Variants in HHAT observed in about 807,000 individuals in gnomAD.
The protein encoded by HHAT is hedgehog acyltransferase.
A neutral mutation model predicts 70.8 loss-of-function variants in HHAT; 47 were observed. The observed-to-expected ratio is 0.66, with a 90% CI of 0.53 to 0.85. HHAT has a LOEUF of 0.85. Among genes scored for constraint, HHAT ranks in the 40% least tolerant of loss-of-function variants. The probability of loss-of-function intolerance (pLI) is 0.00; values close to 1 mark genes in which losing one functional copy is unlikely to be tolerated. For missense variants in HHAT, 609 were observed against 604.8 expected (o/e 1.01, Z -0.07); for synonymous variants, 228 against 247.6 (o/e 0.92, Z 0.74).
intron 8 of HHAT, among the ~76,000 whole-genome samples, chr1:210,492,390 A>G (rs955537928): frequency 3.3e-5 from 5 of 152,092 alleles, no homozygotes; most frequent in East Asian, 1.9e-4. Flanking sequence ...GATCATTTCT[A>G]TATATCTCCT....
At chr1:210,465,121 C>G (rs1013077308) in intron 8 of HHAT, among the ~76,000 whole-genome samples, 2 of 151,946 alleles carry the variant, frequency 1.3e-5, no homozygotes, top group African/African-American at 4.8e-5. Flanking sequence ...AAAGATAATC[C>G]CTGTCTCCAG....
At chr1:210,619,963 C>G (rs897187135) in intron 10 of HHAT, among the ~76,000 whole-genome samples, 1 of 152,216 alleles carries the variant, frequency 6.6e-6, no homozygotes, top group Non-Finnish European at 1.5e-5. Context: ...TGGTATTCCC[C>G]CATTTCGTTT....
At chr1:210,400,765 A>C in intron 5 of HHAT, 103 bp downstream of exon 5, 1 of 1,069,490 alleles carries the variant, frequency 9.4e-7, no homozygotes, top group African/African-American at 1.6e-5. Flanking sequence ...TGATTGTAGA[A>C]CTGTGATGGG....
intron 8 of HHAT, among the ~76,000 whole-genome samples, chr1:210,499,266 T>C (rs1387129689): frequency 2.0e-5 from 3 of 152,214 alleles, no homozygotes; most frequent in African/African-American, 4.8e-5. Context: ...CTATGCTGCA[T>C]TGTGACATTG....
At chr1:210,671,989 A>C (rs1043097580) in intron 11 of HHAT, among the ~76,000 whole-genome samples, 1 of 152,086 alleles carries the variant, frequency 6.6e-6, no homozygotes, top group Admixed American at 6.5e-5. Flanking sequence ...GTAGAGAAAG[A>C]CTTCTGTGCC....
rs990697262 is a variant in HHAT at position 210,435,307 on chromosome 1, A to C, written c.856+16982A>C. Among the ~76,000 whole-genome samples, 6 of 152,048 alleles carry C rather than the reference A, an allele frequency of 3.9e-5. No individual in the cohort carries two copies. The South Asian group carries it at 1.2e-3, about 31-fold the overall frequency. ...ATGTTTCTATAAATGACAGAATTTC[A>C]TTCTTTTTTATGGCTGAATAATATT... On this transcript the variant is annotated intron_variant, in intron 7 of 11. Coordinates refer to ENST00000261458, the MANE Select transcript of HHAT (RefSeq NM_018194.6).
chr1:210,505,211 C>T (rs570517795), intron 8 of HHAT, among the ~76,000 whole-genome samples: 1 of 152,138 alleles, frequency 6.6e-6, no homozygotes, highest in East Asian at 1.9e-4. Flanking sequence ...ACTTTTTATT[C>T]TTGACTGTGA....
At chr1:210,481,344 C>T (rs1478291715) in intron 8 of HHAT, among the ~76,000 whole-genome samples, 2 of 152,286 alleles carry the variant, frequency 1.3e-5, no homozygotes, top group African/African-American at 2.4e-5. Context: ...CATATGTAGT[C>T]AATTCATTCA....
At position 210,377,411 on chromosome 1, in the gene HHAT, C is replaced by T. The variant is rs574166482; in HGVS notation, c.160-10057C>T. ...ATACAGTTTTGTGCCTTCAACTTCA[C>T]CCTGAAACTTAATATTTCTTTTTAA... On this transcript the variant is annotated intron_variant, in intron 3 of 11. Coordinates refer to ENST00000261458, the MANE Select transcript of HHAT (RefSeq NM_018194.6). 5.2e-4 allele frequency among the ~76,000 whole-genome samples: 79 copies of T among 152,238 alleles called. No individual in the cohort carries two copies. In the South Asian group the frequency reaches 0.016, roughly 31 times the overall value.
At chr1:210,444,639 T>C (rs1286333238) in intron 7 of HHAT, among the ~76,000 whole-genome samples, 2 of 151,968 alleles carry the variant, frequency 1.3e-5, no homozygotes, top group Non-Finnish European at 2.9e-5. Flanking sequence ...TGCGTAGAGG[T>C]GTTTGTAGTA....
intron 9 of HHAT, among the ~76,000 whole-genome samples, chr1:210,514,825 G>A (rs943253853): frequency 6.6e-6 from 1 of 152,250 alleles, no homozygotes; most frequent in Non-Finnish European, 1.5e-5. Context: ...TGCAAAAACA[G>A]ACATTTGATT....
intron 9 of HHAT, among the ~76,000 whole-genome samples, chr1:210,563,048 G>A (rs115133767): frequency 0.018 from 2,709 of 152,118 alleles, 78 homozygotes; most frequent in African/African-American, 0.06. Flanking sequence ...TCGGAGCCTC[G>A]CAACTTGTAA....
At chr1:210,507,462 G>T (rs1199493136) in intron 8 of HHAT, among the ~76,000 whole-genome samples, 8 of 148,388 alleles carry the variant, frequency 5.4e-5, no homozygotes, top group African/African-American at 2.0e-4. Flanking sequence ...CTGGGTTCAA[G>T]TGATTCTCCT....
chr1:210,419,563 T>C (rs2092831681), intron 7 of HHAT, among the ~76,000 whole-genome samples: 1 of 152,210 alleles, frequency 6.6e-6, no homozygotes, highest in Admixed American at 6.5e-5. Flanking sequence ...GATCAAGCTG[T>C]TCCCTGCTGA....
At position 210,329,075 on chromosome 1, in the gene HHAT, G is replaced by T. The variant is rs1346150654; in HGVS notation, c.-73G>T. 3 of 1,425,974 alleles carry T rather than the reference G, an allele frequency of 2.1e-6. No homozygotes were observed. Among genetic ancestry groups the T allele is most frequent in the Non-Finnish European group, 2.8e-6 (3 of 1,089,210 alleles). 88.3% of individuals were successfully genotyped at this position (1,425,974 alleles called of 1,614,324 possible). On this transcript the variant is annotated 5_prime_UTR_variant, in exon 1 of 12. Transcript: ENST00000261458. ...GGAACTCGCGGCGCGCGTGAACGTT[G>T]CCGTCGCCGCCGCCCGGGACAGCCC...
At chr1:210,517,855 C>T (rs888221040) in intron 9 of HHAT, among the ~76,000 whole-genome samples, 6 of 152,036 alleles carry the variant, frequency 3.9e-5, no homozygotes, top group Non-Finnish European at 7.4e-5. Flanking sequence ...ATGAATGATA[C>T]TTGTTTTGTT....
intron 8 of HHAT, among the ~76,000 whole-genome samples, chr1:210,488,173 T>C (rs2094500692): frequency 6.6e-6 from 1 of 152,218 alleles, no homozygotes; most frequent in African/African-American, 2.4e-5. Flanking sequence ...CAGCAATTTA[T>C]AACACAGAAG....
intron 11 of HHAT, among the ~76,000 whole-genome samples, chr1:210,632,908 G>A (rs1209569095): frequency 6.6e-6 from 1 of 152,178 alleles, no homozygotes; most frequent in African/African-American, 2.4e-5. Context: ...ATGGGGAGAT[G>A]GAGGCAGGGA....
At chr1:210,605,012 T>TCAACAA (rs66718127) in intron 10 of HHAT, among the ~76,000 whole-genome samples, 4,273 of 150,710 alleles carry the variant, frequency 0.028, 153 homozygotes, top group African/African-American at 0.079. Context: ...TGGGCAAGAC[T>TCAACAA]CAACAACAAC....
Sources: gnomAD v4.1 joint callset for allele counts (sites outside exome capture counted in the v4.1 genomes callset) on GRCh38, gnomAD v4.1.1 for gene constraint, MANE v1.5 for transcripts, NCBI Gene and HGNC (gene_info 2026-07-23, HGNC 2026-07-21) for gene names.